Variants in DLG2 observed in about 807,000 individuals in gnomAD.
DLG2 encodes discs large MAGUK scaffold protein 2, also known as disks large homolog 2.
DLG2 carries 45 observed loss-of-function variants against 132.5 expected under a neutral mutation model. The observed-to-expected ratio is 0.34, with a 90% CI of 0.27 to 0.44. DLG2 has a LOEUF of 0.44. DLG2 is among the 20% of genes least tolerant of loss of function. The probability of loss-of-function intolerance (pLI) is 1.00; values close to 1 mark genes in which losing one functional copy is unlikely to be tolerated. For synonymous variants in DLG2, 424 were observed against 419.6 expected, an observed-to-expected ratio of 1.01 and a Z score of -0.13; for missense variants, 1,045 against 1,196.9, an observed-to-expected ratio of 0.87 and a Z score of 1.87.
intron 6 of DLG2, among the ~76,000 whole-genome samples, chr11:84,809,010 A>G (rs901068731): frequency 1.6e-4 from 24 of 152,052 alleles, no homozygotes; most frequent in Admixed American, 5.9e-4. Flanking sequence ...CTACAGGTCA[A>G]TATCCCTCAT....
rs1032454045 is a variant in DLG2 at position 85,391,871 on chromosome 11, C to T, written c.41-106506G>A. 3.3e-5 allele frequency among the ~76,000 whole-genome samples: 5 copies of T among 152,176 alleles called. No homozygotes were observed. In the East Asian group the frequency reaches 7.7e-4, roughly 24 times the overall value. ...AAGTTGAAAGCATCCCTGCTGAGAACTGGACCAAGACAATGATGCCAACTT... is the reference window on the plus strand; with the variant it reads ...AAGTTGAAAGCATCCCTGCTGAGAATTGGACCAAGACAATGATGCCAACTT... On this transcript the variant is annotated intron_variant, in intron 3 of 27. Transcript: ENST00000376104.
chr11:84,339,908 A>G (rs1490262487), intron 7 of DLG2, among the ~76,000 whole-genome samples: 2 of 152,142 alleles, frequency 1.3e-5, no homozygotes, highest in African/African-American at 2.4e-5. Context: ...GACGACTTTA[A>G]TTTCTTCAGT....
At chr11:83,838,008 T>C (rs2056686375) in intron 16 of DLG2, among the ~76,000 whole-genome samples, 1 of 152,174 alleles carries the variant, frequency 6.6e-6, no homozygotes, top group Non-Finnish European at 1.5e-5. Context: ...CGTATAGACA[T>C]TCTTAGTGGG....
chr11:84,938,758 G>T (rs1448871929), intron 6 of DLG2, among the ~76,000 whole-genome samples: 2 of 152,174 alleles, frequency 1.3e-5, no homozygotes, highest in East Asian at 1.9e-4. Flanking sequence ...TTCGCCAGGG[G>T]TGTCTAACTG....
rs145908877 is a variant in DLG2, at chr11:85,621,694, T to C, written c.-93+4893A>G. Among the ~76,000 whole-genome samples the C allele has an allele frequency of 1.7e-3, 266 of 152,358 alleles. 1 individual carries two copies. Among genetic ancestry groups the C allele is most frequent in the Non-Finnish European group, 2.9e-3 (199 of 68,024 alleles). ...AAGCCTGAAGATGTGACTGAATTGC[T>C]GCAATCTCATGATAAAACTGGAATG... On this transcript the variant is annotated intron_variant, in intron 2 of 27. Transcript: ENST00000376104.
intron 6 of DLG2, chr11:84,887,501 T>C (rs1054819895): frequency 1.3e-5 from 2 of 152,082 alleles, no homozygotes; most frequent in Non-Finnish European, 2.9e-5. Context: ...CATGCCACAA[T>C]TAGTTATATA....
rs73516937 is a variant in DLG2, at chr11:84,863,217, T to C, written c.357+248444A>G. On this transcript the variant is annotated intron_variant, in intron 6 of 27. Transcript: ENST00000376104. Reference sequence around the variant, plus strand: ...ATTCCAGTTTTAAAAGCCTGCAGTCTAATGGATTGTCCAGTTTCATTCTTC... The same window carrying C: ...ATTCCAGTTTTAAAAGCCTGCAGTCCAATGGATTGTCCAGTTTCATTCTTC... 1.5e-3 allele frequency among the ~76,000 whole-genome samples: 233 copies of C among 152,232 alleles called. 1 individual carries two copies. Among genetic ancestry groups the C allele is most frequent in the African/African-American group, 5.4e-3 (223 of 41,564 alleles).
At chr11:84,543,101 G>C (rs1287478165) in intron 6 of DLG2, among the ~76,000 whole-genome samples, 2 of 152,126 alleles carry the variant, frequency 1.3e-5, no homozygotes, top group Non-Finnish European at 2.9e-5. Context: ...GAAGATAAAG[G>C]AATGTTCAGT....
Position 84,667,473 on chromosome 11 carries a change from T to TG in DLG2, c.358-132743_358-132742insC, listed in dbSNP as rs1565606939. On this transcript the variant is annotated intron_variant, in intron 6 of 27. Coordinates refer to ENST00000376104, the MANE Select transcript of DLG2 (RefSeq NM_001142699.3). ...AGGATAGAACATTGATTCAAGTTTT[T>TG]TTTTGTTTTTGTTTTTTGTTTTTTG... 3.0e-5 allele frequency among the ~76,000 whole-genome samples: 4 copies of TG among 131,268 alleles called. No homozygotes were observed. In the East Asian group the frequency reaches 9.6e-4, roughly 31 times the overall value. 86.1% of individuals were successfully genotyped at this position (131,268 alleles called of 152,430 possible). A position where few individuals can be genotyped will look rare whatever the true frequency, so the allele number is the denominator to read the frequency against.
chr11:83,928,290 T>G (rs946414605), intron 15 of DLG2, among the ~76,000 whole-genome samples: 1 of 152,110 alleles, frequency 6.6e-6, no homozygotes, highest in Admixed American at 6.6e-5. Context: ...CTATAATGTT[T>G]TTATTTGAAA....
At chr11:84,742,669 T>C (rs55667176) in intron 6 of DLG2, among the ~76,000 whole-genome samples, 2,159 of 152,278 alleles carry the variant, frequency 0.014, 64 homozygotes, top group African/African-American at 0.049. Context: ...CCGAAGTCCA[T>C]AGTTTACCTT....
chr11:85,473,471 A>G (rs1446397019), intron 3 of DLG2, among the ~76,000 whole-genome samples: 2 of 152,256 alleles, frequency 1.3e-5, no homozygotes, highest in Admixed American at 6.5e-5. Context: ...GTTTAAAAGA[A>G]CTATATTTTT....
Position 85,464,005 on chromosome 11 carries a change from T to TACAC in DLG2, c.40+134648_40+134651dup, listed in dbSNP as rs1223293490. Reference sequence around the variant, plus strand: ...ACATACATGTACACACACACACACATACACACACACACACACACGCCCCCC... The same window carrying TACAC: ...ACATACATGTACACACACACACACATACACACACACACACACACACACGCCCCCC... On this transcript the variant is annotated intron_variant, in intron 3 of 27. Transcript: ENST00000376104. Among the ~76,000 whole-genome samples, 9 of 22,582 alleles carry TACAC rather than the reference T, an allele frequency of 4.0e-4. 1 individual carries two copies. Among genetic ancestry groups the TACAC allele is most frequent in the African/African-American group, 6.5e-4 (8 of 12,258 alleles). The allele number at this position is 22,582 out of a possible 152,430, so 14.8% of individuals were successfully genotyped here.
chr11:84,219,340 A>G (rs1024336146), intron 8 of DLG2, among the ~76,000 whole-genome samples: 1 of 152,176 alleles, frequency 6.6e-6, no homozygotes, highest in East Asian at 1.9e-4. Flanking sequence ...TGTGAGAGGT[A>G]CTCTATTGTT....
At chr11:85,612,218 G>A (rs188353591) in intron 2 of DLG2, among the ~76,000 whole-genome samples, 8 of 152,322 alleles carry the variant, frequency 5.3e-5, no homozygotes, top group South Asian at 4.1e-4. Context: ...GGCATAGCCC[G>A]AAAGCACTGA....
intron 14 of DLG2, among the ~76,000 whole-genome samples, chr11:83,945,042 G>A: frequency 6.6e-6 from 1 of 152,168 alleles, no homozygotes; most frequent in East Asian, 1.9e-4. Flanking sequence ...AAATTTCTCA[G>A]TCACTATATG....
At chr11:84,939,722 G>T (rs1344308207) in intron 6 of DLG2, among the ~76,000 whole-genome samples, 1 of 152,090 alleles carries the variant, frequency 6.6e-6, no homozygotes, top group Non-Finnish European at 1.5e-5. Context: ...ATGTTCTCCA[G>T]TTCTATCCAT....
Position 83,898,898 on chromosome 11 carries a change from A to G in DLG2, c.1497-24410T>C, listed in dbSNP as rs918736021. ...AATTCAGAAAAAATATGACTATAGC[A>G]TAATATGGATAATATTGTCCACATT... is the stretch of plus-strand genomic sequence containing the variant. On this transcript the variant is annotated intron_variant, in intron 15 of 27. Coordinates refer to ENST00000376104, the MANE Select transcript of DLG2 (RefSeq NM_001142699.3). Among the ~76,000 whole-genome samples the G allele has an allele frequency of 4.3e-4, 66 of 152,328 alleles. 1 individual carries two copies. The highest frequency in any genetic ancestry group is 1.4e-3 in the African/African-American group (58 of 41,568).
chr11:85,094,257 A>G (rs660274), intron 6 of DLG2, among the ~76,000 whole-genome samples: 101,860 of 152,060 alleles, frequency 0.67, 35,020 homozygotes, highest in East Asian at 0.95. Flanking sequence ...ACAATTTTCA[A>G]TATGGTAATT....
Sources: gnomAD v4.1 joint callset for allele counts (sites outside exome capture counted in the v4.1 genomes callset) on GRCh38, gnomAD v4.1.1 for gene constraint, MANE v1.5 for transcripts, NCBI Gene and HGNC (gene_info 2026-07-23, HGNC 2026-07-21) for gene names.